The following CNTN5 variants were observed in gnomAD, a reference collection of about 807,000 sequenced individuals.
The protein encoded by CNTN5 is contactin 5, also known as contactin-5.
Under a neutral mutation model 129.1 loss-of-function variants are expected in CNTN5, and 77 were observed. The ratio of observed to expected loss-of-function variants is 0.60; its 90% confidence interval spans 0.50 to 0.72. The LOEUF (loss-of-function observed/expected upper bound fraction) is 0.72. Ranked by LOEUF, CNTN5 falls within the 30% of genes least tolerant of loss-of-function variation. The pLI is 0.00. For synonymous variants in CNTN5, 509 were observed against 465.6 expected, an observed-to-expected ratio of 1.09 and a Z score of -1.20; for missense variants, 1,478 against 1,328.8, an observed-to-expected ratio of 1.11 and a Z score of -1.75.
chr11:99,740,965 AT>A (rs1278722799), intron 3 of CNTN5, among the ~76,000 whole-genome samples: 1 of 152,022 alleles, frequency 6.6e-6, no homozygotes, highest in Non-Finnish European at 1.5e-5. Context: ...ACTACTATTT[AT>A]TTTTGCCAAT....
At chr11:99,179,906 CTA>C (rs1436845628) in intron 1 of CNTN5, among the ~76,000 whole-genome samples, 1 of 152,152 alleles carries the variant, frequency 6.6e-6, no homozygotes, top group African/African-American at 2.4e-5. Flanking sequence ...AAGTCAACCA[CTA>C]TTTTTATTCA....
At chr11:99,371,381 G>A (rs1939812799) in intron 2 of CNTN5, among the ~76,000 whole-genome samples, 2 of 151,900 alleles carry the variant, frequency 1.3e-5, no homozygotes, top group Admixed American at 1.3e-4. Context: ...GTACTTGTGT[G>A]TATAAAACAT....
chr11:100,060,196 ACT>A (rs1298628106), intron 9 of CNTN5, among the ~76,000 whole-genome samples: 6 of 149,594 alleles, frequency 4.0e-5, no homozygotes, highest in Admixed American at 2.0e-4. Context: ...AAAGAGCAAG[ACT>A]CTGTCCCAAA....
chr11:99,747,353 G>A (rs1372714581), intron 3 of CNTN5, among the ~76,000 whole-genome samples: 1 of 150,938 alleles, frequency 6.6e-6, no homozygotes, highest in Non-Finnish European at 1.5e-5. Context: ...AAAGTAATCT[G>A]TAAACAGATA....
chr11:99,620,002 G>C (rs1950884339), intron 3 of CNTN5, among the ~76,000 whole-genome samples: 2 of 55,424 alleles, frequency 3.6e-5, no homozygotes, highest in African/African-American at 4.9e-5. Flanking sequence ...CTCCAGCCTG[G>C]GCGACAGAGC....
chr11:99,836,120 C>T (rs913664668), intron 4 of CNTN5, among the ~76,000 whole-genome samples: 4 of 150,594 alleles, frequency 2.7e-5, no homozygotes, highest in African/African-American at 7.3e-5. Context: ...TCATGCCTCC[C>T]CTTGTTTTTT....
chr11:99,084,833 C>A (rs1865936829), intron 1 of CNTN5, among the ~76,000 whole-genome samples: 2 of 152,152 alleles, frequency 1.3e-5, no homozygotes, highest in South Asian at 4.2e-4. Context: ...ACTGATTTGC[C>A]AAAATATTTT....
intron 7 of CNTN5, among the ~76,000 whole-genome samples, chr11:99,946,842 A>G (rs1346431605): frequency 1.3e-5 from 2 of 151,958 alleles, no homozygotes; most frequent in African/African-American, 4.8e-5. Context: ...AGCTATGCAA[A>G]TATCAAAATA....
intron 3 of CNTN5, among the ~76,000 whole-genome samples, chr11:99,701,485 C>T (rs1954517430): frequency 6.6e-6 from 1 of 150,728 alleles, no homozygotes; most frequent in South Asian, 2.1e-4. Context: ...AGATGTTTTT[C>T]AAAGTGATAT....
chr11:99,847,569 GCAGA>G (rs765197843), intron 6 of CNTN5, among the ~76,000 whole-genome samples: 2 of 152,148 alleles, frequency 1.3e-5, no homozygotes, highest in African/African-American at 2.4e-5. Context: ...CCTGGTTAAA[GCAGA>G]CAGTTACCCA....
intron 6 of CNTN5, among the ~76,000 whole-genome samples, chr11:99,857,904 T>C (rs888169563): frequency 6.6e-6 from 1 of 152,162 alleles, no homozygotes; most frequent in Admixed American, 6.5e-5. Flanking sequence ...ACTTAGGATA[T>C]AGTGACAGAA....
chr11:99,446,930 T>C (rs1287655867), intron 2 of CNTN5, among the ~76,000 whole-genome samples: 3 of 152,192 alleles, frequency 2.0e-5, no homozygotes, highest in Non-Finnish European at 2.9e-5. Context: ...CCCCTATTTT[T>C]CTGGGCTTAC....
At chr11:100,072,304 A>G (rs745325543) in intron 12 of CNTN5, among the ~76,000 whole-genome samples, 11 of 152,172 alleles carry the variant, frequency 7.2e-5, no homozygotes, top group Non-Finnish European at 1.6e-4. Context: ...TGGGGCATCA[A>G]CTAATACCTT....
In CNTN5 at chr11:99,282,947, T is replaced by A. The variant is rs534634893; in HGVS notation, c.-209-42399T>A. ...CAATCAAATGGAAGAAAGGCTCATT[T>A]TTTTTTCCTAAAATGTAGGAGCTAA... On this transcript the variant is annotated intron_variant, in intron 1 of 24. Transcript: ENST00000524871. 6.6e-5 allele frequency among the ~76,000 whole-genome samples: 10 copies of A among 152,226 alleles called. No individual in the cohort carries two copies. In the East Asian group the frequency reaches 1.9e-3, roughly 29 times the overall value.
intron 4 of CNTN5, among the ~76,000 whole-genome samples, chr11:99,834,727 T>A (rs1159862722): frequency 6.6e-6 from 1 of 152,218 alleles, no homozygotes; most frequent in Admixed American, 6.5e-5. Flanking sequence ...CATTCCATAT[T>A]GTTTTTCTCA....
At chr11:99,747,490 G>T (rs1944092656) in intron 3 of CNTN5, among the ~76,000 whole-genome samples, 1 of 106,544 alleles carries the variant, frequency 9.4e-6, no homozygotes, top group East Asian at 3.2e-4. Context: ...TTTTGAGACA[G>T]AGTCTTGCTC....
chr11:99,966,169 A>T (rs1683868437), intron 8 of CNTN5, among the ~76,000 whole-genome samples: 1 of 152,228 alleles, frequency 6.6e-6, no homozygotes, highest in Non-Finnish European at 1.5e-5. Context: ...CACTTCTCTG[A>T]AAAAATGTAG....
chr11:100,154,116 C>T lies in CNTN5; in HGVS notation c.1581-37010C>T, dbSNP rs568484010. Among the ~76,000 whole-genome samples, 102 of 152,168 alleles carry T rather than the reference C, an allele frequency of 6.7e-4. 2 individuals are homozygous for T. In the South Asian group the frequency reaches 0.021, roughly 31 times the overall value. On this transcript the variant is annotated intron_variant, in intron 13 of 24. Transcript: ENST00000524871. ...GCTATCCCTCCTCTAGCACCCCAAC[C>T]CCGAACAAGCCCCTGTGTGTGATGT...
chr11:99,383,071 G>C (rs1291348588), intron 2 of CNTN5, among the ~76,000 whole-genome samples: 1 of 129,442 alleles, frequency 7.7e-6, no homozygotes, highest in Non-Finnish European at 1.8e-5. Flanking sequence ...TGGCCAGCCT[G>C]GTCTTGAACT....
Sources: gnomAD v4.1 joint callset for allele counts (sites outside exome capture counted in the v4.1 genomes callset) on GRCh38, gnomAD v4.1.1 for gene constraint, MANE v1.5 for transcripts, NCBI Gene and HGNC (gene_info 2026-07-23, HGNC 2026-07-21) for gene names.